The following RAB3GAP1 variants were observed in gnomAD, a reference collection of about 807,000 sequenced individuals.
RAB3GAP1 encodes the protein rab3 GTPase-activating protein catalytic subunit.
In RAB3GAP1, 86 loss-of-function variants were observed where a neutral mutation model predicts 130.7. The observed-to-expected ratio is 0.66, with a 90% CI of 0.55 to 0.79. The LOEUF (loss-of-function observed/expected upper bound fraction) is 0.79. Among genes scored for constraint, RAB3GAP1 ranks in the 30% least tolerant of loss-of-function variants. The pLI is 0.00. For missense variants in RAB3GAP1, 1,029 were observed against 1,169.4 expected (o/e 0.88, Z 1.75); for synonymous variants, 367 against 401.7 (o/e 0.91, Z 1.03).
rs1688912887 is a variant in RAB3GAP1 at position 135,052,626 on chromosome 2, C to T, written c.74+141C>T. 3 of 985,294 alleles carry T rather than the reference C, an allele frequency of 3.0e-6. No homozygotes were observed. The South Asian group carries it at 4.1e-5, about 13-fold the overall frequency. The allele number at this position is 985,294 out of a possible 1,614,324, so 61.0% of individuals were successfully genotyped here. On this transcript the variant is annotated intron_variant, in intron 2 of 23. Transcript: ENST00000264158. ...TGGGTCCCGGGTCTCCTCCCCCAGTCTTCTTTGGTCAACCGCAAGCCTCTT... is the reference window on the plus strand; with the variant it reads ...TGGGTCCCGGGTCTCCTCCCCCAGTTTTCTTTGGTCAACCGCAAGCCTCTT...
intron 3 of RAB3GAP1, among the ~76,000 whole-genome samples, chr2:135,081,021 C>G (rs1221563571): frequency 2.0e-5 from 3 of 152,020 alleles, no homozygotes; most frequent in African/African-American, 7.3e-5. Flanking sequence ...ATCAAAATAT[C>G]TATATCCATG....
chr2:135,092,390 G>C (rs1690167000), intron 4 of RAB3GAP1, among the ~76,000 whole-genome samples: 4 of 152,212 alleles, frequency 2.6e-5, no homozygotes, highest in Admixed American at 2.6e-4. Context: ...AGTGCTCTGA[G>C]ATAAATAGAT....
In RAB3GAP1 at chr2:135,169,139, G is replaced by GA; in HGVS notation, c.*358_*359insA. On this transcript the variant is annotated 3_prime_UTR_variant, in exon 24 of 24. Coordinates refer to ENST00000264158, the MANE Select transcript of RAB3GAP1 (RefSeq NM_012233.3). Reference sequence around the variant, plus strand: ...CCTCTAGGCTAGCGGCTGCATTCGTGGTCTGTGCAAACACTTCGTGGTTCT... The same window carrying GA: ...CCTCTAGGCTAGCGGCTGCATTCGTGAGTCTGTGCAAACACTTCGTGGTTCT... 1 of 375,842 alleles carries GA rather than the reference G, an allele frequency of 2.7e-6. No homozygotes were observed. The allele number at this position is 375,842 out of a possible 1,614,324, so 23.3% of individuals were successfully genotyped here.
chr2:135,139,476 G>A (rs780790383), intron 17 of RAB3GAP1, among the ~76,000 whole-genome samples: 2 of 151,724 alleles, frequency 1.3e-5, no homozygotes, highest in Admixed American at 1.3e-4. Flanking sequence ...GGGAGGCAGA[G>A]GTTGCAGTGA....
intron 5 of RAB3GAP1, among the ~76,000 whole-genome samples, chr2:135,098,640 A>C (rs143043949): frequency 9.2e-5 from 14 of 152,276 alleles, no homozygotes; most frequent in African/African-American, 3.4e-4. Flanking sequence ...GTGGCCTGTA[A>C]TATTCTTTCC....
chr2:135,146,199 C>CTTTTT (rs1173567563), intron 17 of RAB3GAP1, among the ~76,000 whole-genome samples: 12 of 96,566 alleles, frequency 1.2e-4, no homozygotes, highest in African/African-American at 2.8e-4. Context: ...CATATTTGTT[C>CTTTTT]TTTTTTTTTT....
At chr2:135,132,564 A>C (rs561892419) in intron 13 of RAB3GAP1, among the ~76,000 whole-genome samples, 3 of 152,134 alleles carry the variant, frequency 2.0e-5, no homozygotes, top group Non-Finnish European at 4.4e-5. Context: ...GATAGTAGTA[A>C]CACTAAAAAA....
intron 3 of RAB3GAP1, among the ~76,000 whole-genome samples, chr2:135,088,688 C>CAAAAAAAA (rs1162700077): frequency 5.4e-5 from 3 of 55,674 alleles, no homozygotes; most frequent in African/African-American, 5.1e-5. Flanking sequence ...GACTCCATCT[C>CAAAAAAAA]AAAAAAAAAA....
Position 135,128,614 on chromosome 2 carries a change from A to T in RAB3GAP1, c.974-1381A>T, listed in dbSNP as rs575147366. Among the ~76,000 whole-genome samples, 4 of 152,162 alleles carry T rather than the reference A, an allele frequency of 2.6e-5. No homozygotes were observed. In the South Asian group the frequency reaches 8.3e-4, roughly 32 times the overall value. The stretch of plus-strand genomic sequence containing the variant: ...TTAGAATTGAAAGTATTCTCATTTT[A>T]GTTTAACGTTCCATGATCTTACCCT... On this transcript the variant is annotated intron_variant, in intron 11 of 23. Transcript: ENST00000264158.
At chr2:135,122,164 A>G (rs2104930154) in intron 8 of RAB3GAP1, among the ~76,000 whole-genome samples, 1 of 152,322 alleles carries the variant, frequency 6.6e-6, no homozygotes, top group Non-Finnish European at 1.5e-5. Flanking sequence ...CTACTATTTT[A>G]TTTTATATAC....
At chr2:135,092,436 T>TTTTG (rs995479298) in intron 4 of RAB3GAP1, among the ~76,000 whole-genome samples, 4 of 152,152 alleles carry the variant, frequency 2.6e-5, no homozygotes, top group Non-Finnish European at 4.4e-5. Context: ...TGAATTATTT[T>TTTTG]TTTGTTTGTT....
At chr2:135,105,565 G>A (rs1380305349) in intron 5 of RAB3GAP1, among the ~76,000 whole-genome samples, 3 of 152,060 alleles carry the variant, frequency 2.0e-5, no homozygotes, top group Admixed American at 1.3e-4. Flanking sequence ...GTGCAGTGGC[G>A]TGATCTCGGC....
intron 7 of RAB3GAP1, among the ~76,000 whole-genome samples, chr2:135,120,504 G>C (rs569944355): frequency 2.0e-5 from 3 of 152,120 alleles, no homozygotes; most frequent in African/African-American, 7.2e-5. Context: ...CTTACTATGG[G>C]ATCTTTCCTC....
chr2:135,125,317 A>G (rs1480414383), intron 9 of RAB3GAP1, among the ~76,000 whole-genome samples: 2 of 152,224 alleles, frequency 1.3e-5, no homozygotes, highest in Non-Finnish European at 2.9e-5. Context: ...CCTTATCCAC[A>G]GCTGGTATGT....
chr2:135,124,454 A>G (rs1362983023), intron 9 of RAB3GAP1, among the ~76,000 whole-genome samples: 1 of 152,208 alleles, frequency 6.6e-6, no homozygotes, highest in Non-Finnish European at 1.5e-5. Flanking sequence ...CCCTGAGGTC[A>G]GGAGTTCGAG....
intron 5 of RAB3GAP1, among the ~76,000 whole-genome samples, chr2:135,102,804 A>C (rs1690485249): frequency 6.6e-6 from 1 of 151,998 alleles, no homozygotes; most frequent in Non-Finnish European, 1.5e-5. Context: ...TCACGAGGTC[A>C]GGATTTCGAG....
At position 135,125,504 on chromosome 2, in the gene RAB3GAP1, A is replaced by G. The variant is rs138897471; in HGVS notation, c.831-677A>G. Among the ~76,000 whole-genome samples the G allele has an allele frequency of 1.1e-4, 16 of 152,354 alleles. 1 individual carries two copies. In the East Asian group the frequency reaches 2.5e-3, roughly 24 times the overall value. On this transcript the variant is annotated intron_variant, in intron 9 of 23. Coordinates refer to ENST00000264158, the MANE Select transcript of RAB3GAP1 (RefSeq NM_012233.3). ...AATGAGGCATAGTAAGAGATTGACAATAATAACTAATAATAACATAGAACA... is the reference window on the plus strand; with the variant it reads ...AATGAGGCATAGTAAGAGATTGACAGTAATAACTAATAATAACATAGAACA...
intron 5 of RAB3GAP1, among the ~76,000 whole-genome samples, chr2:135,095,689 T>C (rs1690273120): frequency 6.6e-6 from 1 of 152,152 alleles, no homozygotes; most frequent in Non-Finnish European, 1.5e-5. Context: ...AAATGGAAAA[T>C]TTCAGGCAAA....
chr2:135,169,569 T>C lies in RAB3GAP1; in HGVS notation c.*788T>C. The C allele has an allele frequency of 4.0e-6, 1 of 251,330 alleles. No homozygotes were observed. Among genetic ancestry groups the C allele is most frequent in the Non-Finnish European group, 8.1e-6 (1 of 123,674 alleles). The allele number at this position is 251,330 out of a possible 1,614,324, so 15.6% of individuals were successfully genotyped here. On this transcript the variant is annotated 3_prime_UTR_variant, in exon 24 of 24. Coordinates refer to ENST00000264158, the MANE Select transcript of RAB3GAP1 (RefSeq NM_012233.3). ...TGCTGTACAGCATGCGTTCTCTTTT[T>C]GTGGTTGCTGGCTGGGTACTGTATT...
Sources: allele counts gnomAD v4.1 joint callset (sites outside exome capture counted in the v4.1 genomes callset), GRCh38; gene constraint gnomAD v4.1.1; transcripts MANE v1.5; gene names NCBI Gene and HGNC (gene_info 2026-07-23, HGNC 2026-07-21).